Variants in CBX5 observed in about 807,000 individuals in gnomAD.
CBX5 encodes chromobox 5, also known as chromobox protein homolog 5.
Under a neutral mutation model 20.7 loss-of-function variants are expected in CBX5, and 7 were observed. That is an observed-to-expected ratio of 0.34 (90% CI 0.19 to 0.63). The LOEUF is 0.63. CBX5 is among the 30% of genes least tolerant of loss of function. CBX5 has a pLI of 0.75. For synonymous variants in CBX5, 78 were observed against 77.0 expected (o/e 1.01, Z -0.07); for missense variants, 110 against 224.1 (o/e 0.49, Z 3.25).
intron 1 of CBX5, among the ~76,000 whole-genome samples, chr12:54,258,971 T>C (rs1045023870): frequency 6.6e-6 from 1 of 151,534 alleles, no homozygotes; most frequent in Non-Finnish European, 1.5e-5. Flanking sequence ...CAAGAATATA[T>C]AGTTGGAGAC....
At position 54,232,449 on chromosome 12, in the gene CBX5, G is replaced by A. The variant is rs1024452471; in HGVS notation, c.*9306C>T. ...ATGCCTCACAACAACACCCCTGTGAGGTAGGTCAGTATTATTAACCCCATT... is the reference window on the plus strand; with the variant it reads ...ATGCCTCACAACAACACCCCTGTGAAGTAGGTCAGTATTATTAACCCCATT... On this transcript the variant is annotated 3_prime_UTR_variant, in exon 5 of 5. Transcript: ENST00000209875. The A allele has an allele frequency of 2.0e-5, 3 of 152,180 alleles. No homozygotes were observed. Among genetic ancestry groups the A allele is most frequent in the Admixed American group, 6.6e-5 (1 of 15,262 alleles). 9.4% of individuals were successfully genotyped at this position (152,180 alleles called of 1,614,324 possible).
Position 54,235,742 on chromosome 12 carries a change from C to T in CBX5, c.*6013G>A, listed in dbSNP as rs927680226. On this transcript the variant is annotated 3_prime_UTR_variant, in exon 5 of 5. Transcript: ENST00000209875. ...ATCTCTTGTCATTGGAAAGCATGTC[C>T]GTTTTAGGCTTAAAGGCAGTTAAGT... is the stretch of plus-strand genomic sequence containing the variant. The T allele has an allele frequency of 7.2e-5, 11 of 152,186 alleles. No homozygotes were observed. Among genetic ancestry groups the T allele is most frequent in the African/African-American group, 2.7e-4 (11 of 41,434 alleles). 9.4% of individuals were successfully genotyped at this position (152,186 alleles called of 1,614,324 possible).
intron 1 of CBX5, among the ~76,000 whole-genome samples, chr12:54,269,835 C>T (rs1943993060): frequency 6.6e-6 from 1 of 152,154 alleles, no homozygotes; most frequent in African/African-American, 2.4e-5. Flanking sequence ...AACTCTTGGC[C>T]TCCCAAAATG....
At chr12:54,278,868 A>G (rs1944097415) in intron 1 of CBX5, 1 of 152,212 alleles carries the variant, frequency 6.6e-6, no homozygotes. Context: ...GATATCTTCA[A>G]TGGTGTAAAG....
chr12:54,266,764 A>G (rs367661337), intron 1 of CBX5, among the ~76,000 whole-genome samples: 35 of 152,286 alleles, frequency 2.3e-4, no homozygotes, highest in African/African-American at 7.9e-4. Context: ...TTCTTGCTTG[A>G]TATCTCATCA....
At chr12:54,273,161 C>T (rs1443048698) in intron 1 of CBX5, 3 of 152,036 alleles carry the variant, frequency 2.0e-5, no homozygotes, top group Admixed American at 1.3e-4. Context: ...AAGATGAATC[C>T]GGCCGGGCGC....
chr12:54,278,156 TG>T (rs1442071944), intron 1 of CBX5, among the ~76,000 whole-genome samples: 2 of 152,168 alleles, frequency 1.3e-5, no homozygotes, highest in African/African-American at 4.8e-5. Context: ...TGGCATACAG[TG>T]GGTAGAGGCC....
Position 54,237,300 on chromosome 12 carries a change from A to AAAAC in CBX5, c.*4451_*4454dup, listed in dbSNP as rs139026828. On this transcript the variant is annotated 3_prime_UTR_variant, in exon 5 of 5. Transcript: ENST00000209875. ...CCACTTTTACTTGCTGTAAGTGGGA[A>AAAAC]AAACAAACAAACAAACAAAAAACCC... 6.6e-6 allele frequency: 1 copy of AAAAC among 152,228 alleles called. No homozygotes were observed. Among genetic ancestry groups the AAAAC allele is most frequent in the Non-Finnish European group, 1.5e-5 (1 of 68,044 alleles). The allele number at this position is 152,228 out of a possible 1,614,324, so 9.4% of individuals were successfully genotyped here. A position where few individuals can be genotyped will look rare whatever the true frequency, so the allele number is the denominator to read the frequency against.
chr12:54,247,377 A>AT (rs1211364983), intron 3 of CBX5, among the ~76,000 whole-genome samples: 1 of 152,158 alleles, frequency 6.6e-6, no homozygotes, highest in East Asian at 1.9e-4. Context: ...GTCTCTGCAA[A>AT]TTAGCTGGGC....
chr12:54,263,772 AAAAAAAAAAAAG>A (rs1192225497), intron 1 of CBX5, among the ~76,000 whole-genome samples: 2 of 149,852 alleles, frequency 1.3e-5, no homozygotes, highest in Non-Finnish European at 3.0e-5. Context: ...CAAAAAAAAA[AAAAAAAAAAAAG>A]AAAAGAAAAA....
At chr12:54,276,887 G>T (rs1944074132) in intron 1 of CBX5, 1 of 152,166 alleles carries the variant, frequency 6.6e-6, no homozygotes, top group African/African-American at 2.4e-5. Context: ...CCCAGGAAAA[G>T]AAAGAGGCTA....
chr12:54,254,659 C>A (rs1260507834), intron 2 of CBX5, among the ~76,000 whole-genome samples: 5 of 152,034 alleles, frequency 3.3e-5, no homozygotes, highest in African/African-American at 7.2e-5. Context: ...TCGAGACCAT[C>A]CTGGCCAACA....
chr12:54,245,159 C>T (rs1592154559), intron 4 of CBX5, among the ~76,000 whole-genome samples: 1 of 151,854 alleles, frequency 6.6e-6, no homozygotes, highest in South Asian at 2.1e-4. Flanking sequence ...TACAGGCATG[C>T]GTCACCACGC....
At chr12:54,278,242 T>C (rs377051176) in intron 1 of CBX5, among the ~76,000 whole-genome samples, 30 of 152,266 alleles carry the variant, frequency 2.0e-4, no homozygotes, top group African/African-American at 6.7e-4. Context: ...TGCCTCAAAA[T>C]ACCAACAGTG....
chr12:54,244,896 T>C (rs1050275357), intron 4 of CBX5, among the ~76,000 whole-genome samples: 1 of 152,158 alleles, frequency 6.6e-6, no homozygotes, highest in African/African-American at 2.4e-5. Flanking sequence ...CCCTCAGTGA[T>C]GGCAGAAAGC....
At position 54,250,811 on chromosome 12, in the gene CBX5, CAAAAAAAAAAAAAA is replaced by C. The variant is rs1164585269; in HGVS notation, c.324+1216_324+1229del. 1.7e-3 allele frequency among the ~76,000 whole-genome samples: 66 copies of C among 39,352 alleles called. 1 individual carries two copies. The East Asian group carries it at 0.047, about 28-fold the overall frequency. The allele number at this position is 39,352 out of a possible 152,430, so 25.8% of individuals were successfully genotyped here. A position where few individuals can be genotyped will look rare whatever the true frequency, so the allele number is the denominator to read the frequency against. On this transcript the variant is annotated intron_variant, in intron 3 of 4. Coordinates refer to ENST00000209875, the MANE Select transcript of CBX5 (RefSeq NM_012117.3). ...TGTGCGACAGAGCGAGACTCCGTCT[CAAAAAAAAAAAAAA>C]AAAAAAAAAAAAAAAAAAAGAAAGG...
chr12:54,241,734 T>C lies in CBX5; in HGVS notation c.*21A>G. 2 of 1,602,686 alleles carry C rather than the reference T, an allele frequency of 1.2e-6. No individual in the cohort carries two copies. Among genetic ancestry groups the C allele is most frequent in the South Asian group, 1.1e-5 (1 of 89,130 alleles). ...TGAATGTATTATGTACAAAGAGAAA[T>C]GACAGAGACCATCCCCTCCTTTAGC... On this transcript the variant is annotated 3_prime_UTR_variant, in exon 5 of 5. Transcript: ENST00000209875.
At chr12:54,247,241 C>T (rs983697122) in intron 3 of CBX5, among the ~76,000 whole-genome samples, 5 of 128,214 alleles carry the variant, frequency 3.9e-5, no homozygotes, top group Non-Finnish European at 8.0e-5. Context: ...CAAAAACAAA[C>T]AAAAAAGAAA....
chr12:54,278,459 C>T (rs919953362), intron 1 of CBX5, among the ~76,000 whole-genome samples: 17 of 152,318 alleles, frequency 1.1e-4, no homozygotes, highest in Admixed American at 8.5e-4. Context: ...AATCTCTCCT[C>T]TGTTCATAAA....
Sources: gnomAD v4.1 joint callset for allele counts (sites outside exome capture counted in the v4.1 genomes callset) on GRCh38, gnomAD v4.1.1 for gene constraint, MANE v1.5 for transcripts, NCBI Gene and HGNC (gene_info 2026-07-23, HGNC 2026-07-21) for gene names.